Variants in PNPLA7 observed in about 807,000 individuals in gnomAD.
PNPLA7 encodes the protein patatin like domain 7, lysophospholipase, also known as patatin-like phospholipase domain-containing protein 7.
In PNPLA7, 153 loss-of-function variants were observed where a neutral mutation model predicts 161.7. The observed-to-expected ratio is 0.95, with a 90% CI of 0.83 to 1.08. The LOEUF is 1.08. Among genes scored for constraint, PNPLA7 ranks in the 50% least tolerant of loss-of-function variants. The pLI, the probability that PNPLA7 is intolerant of heterozygous loss-of-function variation, is 0.00. For missense variants in PNPLA7, 1,739 were observed against 1,856.6 expected, an observed-to-expected ratio of 0.94 and a Z score of 1.16; for synonymous variants, 809 against 782.1, an observed-to-expected ratio of 1.03 and a Z score of -0.57.
chr9:137,518,583 A>C (rs991733034), intron 11 of PNPLA7, among the ~76,000 whole-genome samples: 1 of 26,460 alleles, frequency 3.8e-5, no homozygotes, highest in Non-Finnish European at 6.7e-5. Flanking sequence ...TCCATCCCCC[A>C]CTCACTCACT....
chr9:137,480,817 G>T, intron 22 of PNPLA7, 143 bp downstream of exon 22: 1 of 958,008 alleles, frequency 1.0e-6, no homozygotes, highest in Non-Finnish European at 1.6e-6. Flanking sequence ...AGTGAAGGGA[G>T]TCACGTCATC....
intron 19 of PNPLA7, among the ~76,000 whole-genome samples, chr9:137,493,354 G>A (rs775488454): frequency 2.0e-5 from 3 of 152,192 alleles, no homozygotes; most frequent in South Asian, 2.1e-4. Context: ...CTCTGTGACC[G>A]TGAGCCCAGG....
At chr9:137,463,330 G>A (rs1831306882) in intron 29 of PNPLA7, 85 bp downstream of exon 29, 2 of 1,216,458 alleles carry the variant, frequency 1.6e-6, no homozygotes, top group Admixed American at 4.2e-5. Flanking sequence ...GCTTCTTGGA[G>A]CGGAGGCAGC....
intron 14 of PNPLA7, 77 bp from the exon 15 acceptor site, chr9:137,501,804 C>G (rs1284982897): frequency 1.4e-6 from 2 of 1,452,654 alleles, no homozygotes; most frequent in African/African-American, 2.8e-5. Flanking sequence ...CTGCACTGGG[C>G]TGTTCAGGGG....
intron 12 of PNPLA7, among the ~76,000 whole-genome samples, chr9:137,506,521 G>A (rs1054264305): frequency 1.9e-4 from 29 of 152,078 alleles, no homozygotes; most frequent in African/African-American, 5.1e-4. Flanking sequence ...CTCCCCTAAC[G>A]GGTGCCCTGG....
rs1156450131 is a variant in PNPLA7, at chr9:137,509,543, ATGAGTTTAACTGGTGTGAG to A, written c.1226-3479_1226-3461del. The A allele has an allele frequency of 3.4e-4, 93 of 273,124 alleles. No homozygotes were observed. The East Asian group carries it at 7.2e-3, about 21-fold the overall frequency. 16.9% of individuals were successfully genotyped at this position (273,124 alleles called of 1,614,324 possible). Reference sequence around the variant, plus strand: ...GCATGAGTGAGTTTAGCTGGTACGAATGAGTTTAACTGGTGTGAGTGAGTTTAACTGGTGTGAGTGAGTT... The same window carrying A: ...GCATGAGTGAGTTTAGCTGGTACGAATGAGTTTAACTGGTGTGAGTGAGTT... On this transcript the variant is annotated intron_variant, in intron 12 of 34. Coordinates refer to ENST00000406427, the MANE Select transcript of PNPLA7 (RefSeq NM_001098537.3).
rs1833284270 is a variant in PNPLA7 at position 137,499,856 on chromosome 9, C to T, written c.1757+835G>A. Among the ~76,000 whole-genome samples, 1 of 152,264 alleles carries T rather than the reference C, an allele frequency of 6.6e-6. No individual in the cohort carries two copies. Among genetic ancestry groups the T allele is most frequent in the African/African-American group, 2.4e-5 (1 of 41,474 alleles). On this transcript the variant is annotated intron_variant, in intron 16 of 34. Coordinates refer to ENST00000406427, the MANE Select transcript of PNPLA7 (RefSeq NM_001098537.3). The surrounding 1 kb of genome is among the most constrained non-coding windows in gnomAD (Gnocchi z 5.5). ...CAGGCTTCTGACCTCTCCTGCTGCCCAACCACTCAGGCAGAAGAGCTCTGA... is the reference window on the plus strand; with the variant it reads ...CAGGCTTCTGACCTCTCCTGCTGCCTAACCACTCAGGCAGAAGAGCTCTGA...
chr9:137,480,871 G>T, intron 22 of PNPLA7, 89 bp downstream of exon 22: 1 of 1,351,312 alleles, frequency 7.4e-7, no homozygotes, highest in Non-Finnish European at 1.0e-6. Context: ...ACGCTGCAGT[G>T]CAGATGCTGG....
intron 25 of PNPLA7, among the ~76,000 whole-genome samples, chr9:137,475,010 C>CAAAAAAAAAAAAAAAA (rs58417100): frequency 2.5e-4 from 16 of 63,608 alleles, no homozygotes; most frequent in African/African-American, 1.0e-3. Flanking sequence ...GACTCTGCCT[C>CAAAAAAAAAAAAAAAA]AAAAAAAAAA....
intron 23 of PNPLA7, 29 bp downstream of exon 23, chr9:137,480,283 C>G (rs749971387): frequency 1.2e-6 from 2 of 1,604,134 alleles, no homozygotes; most frequent in Admixed American, 3.4e-5. Flanking sequence ...AGGGCTCTCC[C>G]CAGCTCCACC....
intron 14 of PNPLA7, among the ~76,000 whole-genome samples, chr9:137,502,051 A>G (rs991802297): frequency 3.9e-5 from 6 of 152,260 alleles, no homozygotes; most frequent in Non-Finnish European, 7.3e-5. Flanking sequence ...TGATTTCTTT[A>G]TAAGTGGTGC....
At position 137,501,688 on chromosome 9, in the gene PNPLA7, CGT is replaced by C; in HGVS notation, c.1511_1512del (p.His504ArgfsTer82). On this transcript the variant is annotated frameshift_variant, in exon 15 of 35. Transcript: ENST00000406427. LOFTEE classifies it high-confidence loss of function. ...CTTGACACCACCGTGCCTGCAGGAA[CGT>C]GCAGAAGCGCCACCCGGCCATCCAA... ...SLLDGRVALL[H>X]VPAGTVVSRQ... is the part of the protein sequence containing the mutation. 1 of 1,612,616 alleles carries C rather than the reference CGT, an allele frequency of 6.2e-7. No homozygotes were observed. Among genetic ancestry groups the C allele is most frequent in the South Asian group, 1.1e-5 (1 of 91,076 alleles).
At chr9:137,513,944 G>A (rs1054915499) in intron 12 of PNPLA7, among the ~76,000 whole-genome samples, 9 of 152,272 alleles carry the variant, frequency 5.9e-5, no homozygotes, top group African/African-American at 1.7e-4. Context: ...GGTGACCTGC[G>A]GGTGGCAGAC....
In PNPLA7 at chr9:137,500,578, C is replaced by T; in HGVS notation, c.1757+113G>A. ...AGGTGCCGGGGACAAAGAGGGGAGC[C>T]CGAGAAGCAGGGAAGAGGGTGAGAG... On this transcript the variant is annotated intron_variant, in intron 16 of 34. Coordinates refer to ENST00000406427, the MANE Select transcript of PNPLA7 (RefSeq NM_001098537.3). The surrounding 1 kb of genome is among the most constrained non-coding windows in gnomAD (Gnocchi z 5.5). The T allele has an allele frequency of 9.9e-7, 1 of 1,009,202 alleles. No homozygotes were observed. The highest frequency in any genetic ancestry group is 1.5e-6 in the Non-Finnish European group (1 of 688,982). The allele number at this position is 1,009,202 out of a possible 1,614,324, so 62.5% of individuals were successfully genotyped here.
At chr9:137,531,242 G>A (rs562898383) in intron 8 of PNPLA7, among the ~76,000 whole-genome samples, 53 of 152,254 alleles carry the variant, frequency 3.5e-4, no homozygotes, top group African/African-American at 1.1e-3. Context: ...AACCGCATCA[G>A]CTGGGCAAGT....
At chr9:137,463,240 C>T (rs965077548) in intron 29 of PNPLA7, 175 bp downstream of exon 29, 23 of 634,926 alleles carry the variant, frequency 3.6e-5, no homozygotes, top group Admixed American at 5.4e-5. Context: ...CATGTACACG[C>T]GTGTGCATGT....
At chr9:137,503,721 G>C (rs1317983100) in intron 14 of PNPLA7, among the ~76,000 whole-genome samples, 1 of 143,442 alleles carries the variant, frequency 7.0e-6, no homozygotes, top group East Asian at 2.0e-4. Flanking sequence ...AGGAGAAAGG[G>C]AAGAAAGGGG....
rs776591574 is a variant in PNPLA7 at position 137,546,909 on chromosome 9, C to T, written c.194G>A (p.Arg65Gln). ...LFMFRRLRQFRQAQPTPQYRF... is the reference protein window; with the variant it reads ...LFMFRRLRQFQQAQPTPQYRF... The stretch of plus-strand genomic sequence containing the variant: ...GTACTGAGGAGTGGGCTGTGCTTGT[C>T]CTGCAGGGGAGTAAAGGGATGGCCT... The change falls in exon 4 of 35, where the codon CGA becomes CAA. Residue 65 changes from arginine (R) to glutamine (Q), a missense_variant and splice_region_variant. Coordinates refer to ENST00000406427, the MANE Select transcript of PNPLA7 (RefSeq NM_001098537.3). The T allele has an allele frequency of 6.2e-7, 1 of 1,613,648 alleles. No homozygotes were observed. Among genetic ancestry groups the T allele is most frequent in the Non-Finnish European group, 8.5e-7 (1 of 1,179,980 alleles).
Position 137,546,845 on chromosome 9 carries a change from C to G in PNPLA7, c.258G>C (p.Arg86=). 1 of 1,613,892 alleles carries G rather than the reference C, an allele frequency of 6.2e-7. No individual in the cohort carries two copies. The highest frequency in any genetic ancestry group is 8.5e-7 in the Non-Finnish European group (1 of 1,179,982). ...RKRDKVMFYG[R]KIMRKVTTLP... ...CAACAGCTACCTTCCTCATGATCTTCCGGCCGTAAAACATCACTTTGTCTC... is the reference window on the plus strand; with the variant it reads ...CAACAGCTACCTTCCTCATGATCTTGCGGCCGTAAAACATCACTTTGTCTC... The change falls in exon 4 of 35, where the codon CGG becomes CGC. Residue 86 remains arginine (R), a synonymous_variant. Transcript: ENST00000406427.
Sources: gnomAD v4.1 joint callset for allele counts (sites outside exome capture counted in the v4.1 genomes callset) on GRCh38, gnomAD v4.1.1 for gene constraint, Gnocchi (gnomAD v3.1) non-coding constraint, MANE v1.5 for transcripts, NCBI Gene and HGNC (gene_info 2026-07-23, HGNC 2026-07-21) for gene names.